Variants in YEATS4 observed in about 807,000 individuals in gnomAD.
The protein encoded by YEATS4 is YEATS domain containing 4, also known as YEATS domain-containing protein 4.
YEATS4 carries 17 observed loss-of-function variants against 30.1 expected under a neutral mutation model. The ratio of observed to expected loss-of-function variants is 0.56; its 90% CI spans 0.39 to 0.85. The LOEUF is 0.85. Among genes scored for constraint, YEATS4 ranks in the 40% least tolerant of loss-of-function variants. The probability of loss-of-function intolerance (pLI) is 0.00; values close to 1 mark genes in which losing one functional copy is unlikely to be tolerated. For missense variants in YEATS4, 142 were observed against 268.3 expected (o/e 0.53, Z 3.29); for synonymous variants, 85 against 87.5 (o/e 0.97, Z 0.16).
the YEATS4 span, among the ~76,000 whole-genome samples, chr12:69,410,375 G>T: frequency 6.6e-6 from 1 of 152,140 alleles, no homozygotes; most frequent in Non-Finnish European, 1.5e-5. Flanking sequence ...TTAAGAGTCA[G>T]CTCATTCTAT....
chr12:69,404,549 C>T, the YEATS4 span, among the ~76,000 whole-genome samples: 1 of 152,146 alleles, frequency 6.6e-6, no homozygotes, highest in African/African-American at 2.4e-5. Context: ...CTGCTTTCAT[C>T]GAATGGGAGG....
intron 6 of YEATS4, among the ~76,000 whole-genome samples, chr12:69,372,464 C>T (rs1209917136): frequency 6.7e-6 from 1 of 149,872 alleles, no homozygotes; most frequent in East Asian, 2.0e-4. Context: ...AATAACCATC[C>T]TTTACCCACC....
chr12:69,394,094 G>A (rs1868334580), downstream of YEATS4, among the ~76,000 whole-genome samples: 1 of 152,190 alleles, frequency 6.6e-6, no homozygotes, highest in African/African-American at 2.4e-5. Flanking sequence ...GGGCAGTTAG[G>A]AAAGGAGAAA....
the YEATS4 span, among the ~76,000 whole-genome samples, chr12:69,414,341 T>C: frequency 1.3e-5 from 1 of 78,514 alleles, no homozygotes; most frequent in Non-Finnish European, 3.7e-5. Flanking sequence ...GTGATCCTAC[T>C]ACCTCAGCCT....
the YEATS4 span, among the ~76,000 whole-genome samples, chr12:69,418,890 C>T: frequency 6.6e-6 from 1 of 151,530 alleles, no homozygotes. Flanking sequence ...TCAAGTTCAG[C>T]CTGGGCAACA....
At position 69,370,749 on chromosome 12, in the gene YEATS4, A is replaced by G. The variant is rs763478156; in HGVS notation, c.377A>G (p.Asn126Ser). Residue 126 changes from asparagine (N) to serine (S), a missense_variant, in exon 5 of 7, where the codon AAT becomes AGT. Asn to Ser is a conservative substitution (Grantham distance 46, BLOSUM62 1). Coordinates refer to ENST00000247843, the MANE Select transcript of YEATS4 (RefSeq NM_006530.4). ...HLLKLFQSDT[N>S]AMLGKKTVVS... Reference sequence around the variant, plus strand: ...CTAAAGCTGTTTCAATCAGACACCAATGCAATGCTGGGGAAAAAGACAGTG... The same window carrying G: ...CTAAAGCTGTTTCAATCAGACACCAGTGCAATGCTGGGGAAAAAGACAGTG... 3.1e-6 allele frequency: 5 copies of G among 1,596,634 alleles called. No individual in the cohort carries two copies. The highest frequency in any genetic ancestry group is 4.3e-6 in the Non-Finnish European group (5 of 1,174,638).
chr12:69,410,509 A>G, the YEATS4 span, among the ~76,000 whole-genome samples: 1 of 152,226 alleles, frequency 6.6e-6, no homozygotes, highest in African/African-American at 2.4e-5. Context: ...GGCAAAAATT[A>G]TTATATGTGC....
At chr12:69,360,140 C>A in intron 1 of YEATS4, 117 bp downstream of exon 1, 1 of 1,207,144 alleles carries the variant, frequency 8.3e-7, no homozygotes, top group Non-Finnish European at 1.1e-6. Context: ...GGGTTTGAAC[C>A]GTGGTTTCAG....
intron 4 of YEATS4, among the ~76,000 whole-genome samples, chr12:69,366,563 A>G (rs1168901650): frequency 6.6e-6 from 1 of 152,108 alleles, no homozygotes; most frequent in Non-Finnish European, 1.5e-5. Flanking sequence ...ACCTTTTTCT[A>G]GTATTTTTTC....
chr12:69,395,866 A>G (rs1040814737), downstream of YEATS4, among the ~76,000 whole-genome samples: 1 of 152,298 alleles, frequency 6.6e-6, no homozygotes, highest in African/African-American at 2.4e-5. Context: ...GATAAATAAC[A>G]TTATGGTCCT....
chr12:69,411,742 A>G, the YEATS4 span, among the ~76,000 whole-genome samples: 468 of 152,264 alleles, frequency 3.1e-3, 2 homozygotes, highest in African/African-American at 0.011. Flanking sequence ...TGAGTAGGCA[A>G]TTTTCTTTGG....
the YEATS4 span, among the ~76,000 whole-genome samples, chr12:69,403,052 A>T: frequency 1.3e-5 from 2 of 152,124 alleles, no homozygotes; most frequent in African/African-American, 4.8e-5. Flanking sequence ...AAAAAATGTA[A>T]AAAATATTCT....
intron 6 of YEATS4, among the ~76,000 whole-genome samples, chr12:69,374,025 T>C (rs1175328899): frequency 6.6e-6 from 1 of 152,240 alleles, no homozygotes; most frequent in Non-Finnish European, 1.5e-5. Flanking sequence ...TTGTGGTTAC[T>C]ATAGCTCTGT....
At chr12:69,372,972 C>A (rs1344709381) in intron 6 of YEATS4, among the ~76,000 whole-genome samples, 1 of 152,062 alleles carries the variant, frequency 6.6e-6, no homozygotes. Flanking sequence ...GATTTCATTC[C>A]TTTTTTATGG....
rs1485033036 is a variant in YEATS4, at chr12:69,382,549, A to T, written c.515-7598A>T. On this transcript the variant is annotated intron_variant, in intron 6 of 6. Transcript: ENST00000247843. The stretch of plus-strand genomic sequence containing the variant: ...CTTAAGGCCCAAGGGCTCTTCAGTC[A>T]GCTTGTGTTGAATACTGCCAGGCCT... 2.0e-5 allele frequency among the ~76,000 whole-genome samples: 3 copies of T among 152,238 alleles called. No individual in the cohort carries two copies. The East Asian group carries it at 5.8e-4, about 29-fold the overall frequency.
At chr12:69,414,175 A>G in the YEATS4 span, among the ~76,000 whole-genome samples, 1 of 152,234 alleles carries the variant, frequency 6.6e-6, no homozygotes, top group African/African-American at 2.4e-5. Flanking sequence ...CAAAACTCAA[A>G]TATCTAAGCA....
At chr12:69,414,486 C>G in the YEATS4 span, among the ~76,000 whole-genome samples, 2 of 152,180 alleles carry the variant, frequency 1.3e-5, no homozygotes, top group Admixed American at 6.5e-5. Context: ...CCATCTTAGC[C>G]TCCCAAAGCA....
chr12:69,395,807 G>A (rs1310276552), downstream of YEATS4, among the ~76,000 whole-genome samples: 1 of 152,136 alleles, frequency 6.6e-6, no homozygotes, highest in African/African-American at 2.4e-5. Flanking sequence ...TTACTGAAGG[G>A]ACTTACGGGT....
intron 6 of YEATS4, among the ~76,000 whole-genome samples, chr12:69,372,757 C>T (rs139038151): frequency 0.02 from 3,031 of 152,044 alleles, 106 homozygotes; most frequent in African/African-American, 0.069. Flanking sequence ...AAGCTGGTCT[C>T]GAACTCCTGA....
Sources: allele counts gnomAD v4.1 joint callset (sites outside exome capture counted in the v4.1 genomes callset), GRCh38; gene constraint gnomAD v4.1.1; transcripts MANE v1.5; gene names NCBI Gene and HGNC (gene_info 2026-07-23, HGNC 2026-07-21).